MRPS9: variants seen among roughly 807,000 people sequenced by gnomAD.
MRPS9 encodes mitochondrial ribosomal protein S9, also known as small ribosomal subunit protein uS9m.
A neutral mutation model predicts 59.9 loss-of-function variants in MRPS9; 45 were observed. The ratio of observed to expected loss-of-function variants is 0.75; its 90% CI spans 0.59 to 0.96. The LOEUF is 0.96. Ranked by LOEUF, MRPS9 falls within the 40% of genes least tolerant of loss-of-function variation. The pLI, the probability that MRPS9 is intolerant of heterozygous loss-of-function variation, is 0.00. For synonymous variants in MRPS9, 171 were observed against 166.8 expected (o/e 1.03, Z -0.19); for missense variants, 473 against 481.1 (o/e 0.98, Z 0.16).
intron 4 of MRPS9, among the ~76,000 whole-genome samples, chr2:105,076,536 A>G (rs761603825): frequency 6.6e-6 from 1 of 152,242 alleles, no homozygotes; most frequent in Non-Finnish European, 1.5e-5. Context: ...CTTTTTCTCA[A>G]TTCATTTAAT....
chr2:105,043,362 C>T (rs1679535126), intron 1 of MRPS9, among the ~76,000 whole-genome samples: 1 of 152,060 alleles, frequency 6.6e-6, no homozygotes, highest in Non-Finnish European at 1.5e-5. Context: ...CCCAGTTTCC[C>T]CAGGAGGAAT....
In MRPS9 at chr2:105,083,467, C is replaced by T. The variant is rs1278860077; in HGVS notation, c.489+3405C>T. ...TGTTCATGGTTCAGTTTGTGAAGGT[C>T]CTTTAATTTTAAGAAAAAAACATTT... On this transcript the variant is annotated intron_variant, in intron 5 of 10. Transcript: ENST00000258455. Among the ~76,000 whole-genome samples the T allele has an allele frequency of 2.6e-5, 4 of 152,082 alleles. No homozygotes were observed. In the East Asian group the frequency reaches 5.8e-4, roughly 22 times the overall value.
chr2:105,077,642 C>T (rs1187648312), intron 4 of MRPS9, among the ~76,000 whole-genome samples: 1 of 152,136 alleles, frequency 6.6e-6, no homozygotes, highest in Non-Finnish European at 1.5e-5. Context: ...GGAATTTTAA[C>T]ATGTGATCTG....
At chr2:105,083,424 G>A (rs772712046) in intron 5 of MRPS9, among the ~76,000 whole-genome samples, 56 of 152,282 alleles carry the variant, frequency 3.7e-4, no homozygotes, top group Middle Eastern at 3.4e-3. Flanking sequence ...CAAAGGGAAC[G>A]GTGGGCCGCA....
intron 2 of MRPS9, among the ~76,000 whole-genome samples, chr2:105,068,015 G>GA (rs1209883671): frequency 6.6e-6 from 1 of 151,902 alleles, no homozygotes; most frequent in African/African-American, 2.4e-5. Context: ...GTAGAGATGG[G>GA]ATCTCAGTAT....
intron 2 of MRPS9, among the ~76,000 whole-genome samples, chr2:105,065,070 G>C (rs912224642): frequency 6.6e-6 from 1 of 152,266 alleles, no homozygotes; most frequent in Admixed American, 6.5e-5. Context: ...ATGAGGTCAG[G>C]AGCCATATCT....
At position 105,044,700 on chromosome 2, in the gene MRPS9, A is replaced by G. The variant is rs536634350; in HGVS notation, c.136-4471A>G. 9.8e-5 allele frequency among the ~76,000 whole-genome samples: 15 copies of G among 152,324 alleles called. No homozygotes were observed. The East Asian group carries it at 2.7e-3, about 27-fold the overall frequency. ...ACTCTGGAGACTATAGGCAGACACA[A>G]TTTTAAATCAAGTGAAAAACCAAGT... is the stretch of plus-strand genomic sequence containing the variant. On this transcript the variant is annotated intron_variant, in intron 1 of 10. Transcript: ENST00000258455.
At chr2:105,075,116 G>A (rs112861595) in intron 4 of MRPS9, among the ~76,000 whole-genome samples, 2 of 152,088 alleles carry the variant, frequency 1.3e-5, no homozygotes, top group African/African-American at 2.4e-5. Flanking sequence ...TAGATCCCTC[G>A]CATGTGCTGT....
Position 105,093,513 on chromosome 2 carries a change from A to G in MRPS9, c.821-17A>G. On this transcript the variant is annotated splice_polypyrimidine_tract_variant and intron_variant, in intron 8 of 10. Coordinates refer to ENST00000258455, the MANE Select transcript of MRPS9 (RefSeq NM_182640.3). ...GTCTTCAAGATATTTACTAATAGGAATTTTATATTTTTGAAGGTAAAAGAA... is the reference window on the plus strand; with the variant it reads ...GTCTTCAAGATATTTACTAATAGGAGTTTTATATTTTTGAAGGTAAAAGAA... 2 of 1,463,544 alleles carry G rather than the reference A, an allele frequency of 1.4e-6. No homozygotes were observed. Among genetic ancestry groups the G allele is most frequent in the Non-Finnish European group, 1.9e-6 (2 of 1,061,190 alleles). The allele number at this position is 1,463,544 out of a possible 1,614,324, so 90.7% of individuals were successfully genotyped here.
chr2:105,083,096 A>G (rs1680379764), intron 5 of MRPS9, among the ~76,000 whole-genome samples: 1 of 152,150 alleles, frequency 6.6e-6, no homozygotes, highest in South Asian at 2.1e-4. Context: ...TAACCAGTAT[A>G]ACTTGTTTGC....
chr2:105,096,940 C>T, intron 9 of MRPS9: 1 of 401,388 alleles, frequency 2.5e-6, no homozygotes, highest in Non-Finnish European at 4.1e-6. Flanking sequence ...TATACCCAAG[C>T]AAAAGAAATA....
At chr2:105,093,772 C>T (rs1331059131) in intron 9 of MRPS9, 134 bp downstream of exon 9, 1 of 482,802 alleles carries the variant, frequency 2.1e-6, no homozygotes, top group Non-Finnish European at 3.7e-6. Flanking sequence ...TGTAACATAT[C>T]AAACTAGCTA....
chr2:105,081,134 C>G (rs956012887), intron 5 of MRPS9, among the ~76,000 whole-genome samples: 2 of 152,156 alleles, frequency 1.3e-5, no homozygotes, highest in Non-Finnish European at 2.9e-5. Context: ...CAAACGCCGC[C>G]GGTTTGATCT....
chr2:105,058,660 C>T (rs959221288), intron 2 of MRPS9, among the ~76,000 whole-genome samples: 5 of 151,190 alleles, frequency 3.3e-5, no homozygotes, highest in Admixed American at 6.6e-5. Context: ...AGATGACATG[C>T]TGTAGTTTAA....
At chr2:105,053,790 A>G (rs867692521) in intron 2 of MRPS9, among the ~76,000 whole-genome samples, 3 of 152,236 alleles carry the variant, frequency 2.0e-5, no homozygotes, top group Non-Finnish European at 2.9e-5. Flanking sequence ...CTGTGTGTGT[A>G]TATATGGTAA....
intron 4 of MRPS9, among the ~76,000 whole-genome samples, 195 bp from the exon 5 acceptor site, chr2:105,079,788 G>A (rs138992604): frequency 6.6e-6 from 1 of 151,870 alleles, no homozygotes; most frequent in Non-Finnish European, 1.5e-5. Context: ...TATGTTAATG[G>A]TATGAAATAT....
At chr2:105,043,841 G>A (rs1182543230) in intron 1 of MRPS9, among the ~76,000 whole-genome samples, 1 of 151,294 alleles carries the variant, frequency 6.6e-6, no homozygotes, top group Non-Finnish European at 1.5e-5. Context: ...CACTTTGTTG[G>A]CCAGGCTGGT....
At chr2:105,058,284 T>G (rs1485975974) in intron 2 of MRPS9, among the ~76,000 whole-genome samples, 3 of 152,182 alleles carry the variant, frequency 2.0e-5, no homozygotes, top group Admixed American at 2.0e-4. Context: ...TGCTGGTAAT[T>G]TATAAGCGAA....
intron 1 of MRPS9, among the ~76,000 whole-genome samples, chr2:105,040,065 C>A (rs1404873278): frequency 1.3e-5 from 2 of 152,210 alleles, no homozygotes; most frequent in Admixed American, 1.3e-4. Context: ...ATATATTTTA[C>A]CACATTAAGT....
Sources: gnomAD v4.1 joint callset for allele counts (sites outside exome capture counted in the v4.1 genomes callset) on GRCh38, gnomAD v4.1.1 for gene constraint, MANE v1.5 for transcripts, NCBI Gene and HGNC (gene_info 2026-07-23, HGNC 2026-07-21) for gene names.